The following NYNRIN variants were observed in gnomAD, a reference collection of about 807,000 sequenced individuals.
The protein encoded by NYNRIN is NYN domain and retroviral integrase containing, also known as protein NYNRIN.
In NYNRIN, 86 loss-of-function variants were observed where a neutral mutation model predicts 146.6. That is an observed-to-expected ratio of 0.59 (90% CI 0.49 to 0.70). The LOEUF (loss-of-function observed/expected upper bound fraction) is 0.70, where lower values mean the gene tolerates loss of function less well. NYNRIN is among the 30% of genes least tolerant of loss of function. NYNRIN has a pLI of 0.00. For missense variants in NYNRIN, 2,191 were observed against 2,377.7 expected, an observed-to-expected ratio of 0.92 and a Z score of 1.63; for synonymous variants, 1,027 against 1,001.3, an observed-to-expected ratio of 1.03 and a Z score of -0.48.
intron 6 of NYNRIN, 110 bp from the exon 7 acceptor site, chr14:24,412,887 G>A: frequency 1.4e-6 from 1 of 693,164 alleles, no homozygotes; most frequent in Non-Finnish European, 2.5e-6. Flanking sequence ...GAAGGGCAGT[G>A]TCTTTGTCTG....
In NYNRIN at chr14:24,399,541, C is replaced by T; in HGVS notation, c.198+97C>T. 2.8e-6 allele frequency: 3 copies of T among 1,086,398 alleles called. No individual in the cohort carries two copies. In the African/African-American group the frequency reaches 4.7e-5, roughly 17 times the overall value. The allele number at this position is 1,086,398 out of a possible 1,614,324, so 67.3% of individuals were successfully genotyped here. A position where few individuals can be genotyped will look rare whatever the true frequency, so the allele number is the denominator to read the frequency against. ...GGTGGTCCGCAGAGACACCACCCAC[C>T]CTGCCCCCGCCTGGATTTGGCAGTG... On this transcript the variant is annotated intron_variant, in intron 2 of 8. Coordinates refer to ENST00000382554, the MANE Select transcript of NYNRIN (RefSeq NM_025081.3).
At position 24,414,844 on chromosome 14, in the gene NYNRIN, C is replaced by T. The variant is rs375520766; in HGVS notation, c.3095C>T (p.Pro1032Leu). The change falls in exon 9 of 9, where the codon CCG (proline) becomes CTG (leucine). Residue 1032 changes from proline (P) to leucine (L), a missense_variant. By Grantham distance (98) the Pro-to-Leu change is moderately conservative. Coordinates refer to ENST00000382554, the MANE Select transcript of NYNRIN (RefSeq NM_025081.3). ...GCGTCAGTGTTCAGGGTGGAGTGCC[C>T]GTCCCTTTCGGAGGAGATCCTGCGG... is the stretch of plus-strand genomic sequence containing the variant. ...SLASVFRVEC[P>L]SLSEEILRCL... 21 of 1,612,440 alleles carry T rather than the reference C, an allele frequency of 1.3e-5. No homozygotes were observed. The South Asian group carries it at 1.6e-4, about 13-fold the overall frequency.
At position 24,416,548 on chromosome 14, in the gene NYNRIN, AG is replaced by A; in HGVS notation, c.4801del (p.Val1601LeufsTer27). 6.2e-7 allele frequency: 1 copy of A among 1,613,928 alleles called. No homozygotes were observed. Among genetic ancestry groups the A allele is most frequent in the Non-Finnish European group, 8.5e-7 (1 of 1,179,870 alleles). On this transcript the variant is annotated frameshift_variant, in exon 9 of 9. Coordinates refer to ENST00000382554, the MANE Select transcript of NYNRIN (RefSeq NM_025081.3). LOFTEE classifies it high-confidence loss of function. Reference protein sequence around the residue: ...IPRNLIGSELKVIESPWPLRS... With the variant: ...IPRNLIGSELXVIESPWPLRS... ...CGAAATCTCATAGGCAGCGAGTTGA[AG>A]GTTATTGAGTCCCCATGGCCCCTCA...
Position 24,419,142 on chromosome 14 carries a change from C to T in NYNRIN, c.*1696C>T, listed in dbSNP as rs1208747320. ...CCCCCGCGCCATTCTTTCTCTTCCTCCTCTCTGTAATGGTATGTCCAGCCT... is the reference window on the plus strand; with the variant it reads ...CCCCCGCGCCATTCTTTCTCTTCCTTCTCTCTGTAATGGTATGTCCAGCCT... On this transcript the variant is annotated 3_prime_UTR_variant, in exon 9 of 9. Transcript: ENST00000382554. 2 of 152,314 alleles carry T rather than the reference C, an allele frequency of 1.3e-5. No individual in the cohort carries two copies. Among genetic ancestry groups the T allele is most frequent in the African/African-American group, 4.8e-5 (2 of 41,440 alleles). 9.4% of individuals were successfully genotyped at this position (152,314 alleles called of 1,614,324 possible).
Position 24,408,958 on chromosome 14 carries a change from C to A in NYNRIN, c.1164C>A (p.Phe388Leu). 1 of 1,613,938 alleles carries A rather than the reference C, an allele frequency of 6.2e-7. No individual in the cohort carries two copies. The highest frequency in any genetic ancestry group is 8.5e-7 in the Non-Finnish European group (1 of 1,179,876). Residue 388 changes from phenylalanine to leucine, a missense_variant, in exon 4 of 9, where the codon TTC (phenylalanine) becomes TTA (leucine). Coordinates refer to ENST00000382554, the MANE Select transcript of NYNRIN (RefSeq NM_025081.3). ...HLAWLLSQAC[F>L]NFPFWQRPLG... is the part of the protein sequence containing the mutation. ...CCTGGCTCCTGTCCCAGGCGTGCTT[C>A]AATTTCCCCTTCTGGCAGAGACCTC...
intron 1 of NYNRIN, 45 bp downstream of exon 1, chr14:24,399,131 C>T: frequency 1.0e-6 from 1 of 973,842 alleles, no homozygotes; most frequent in East Asian, 2.8e-5. Context: ...GGGGGGCGCG[C>T]CGCGGGGAGG....
rs754588570 is a variant in NYNRIN at position 24,409,434 on chromosome 14, C to T, written c.1640C>T (p.Pro547Leu). Reference protein sequence around the residue: ...AQTVPETLKVPMAAAVPKAEN... With the variant: ...AQTVPETLKVLMAAAVPKAEN... ...ACAGTGCCTGAAACTCTCAAAGTGC[C>T]CATGGCTGCAGCAGTGCCCAAAGCT... is the stretch of plus-strand genomic sequence containing the variant. Residue 547 changes from proline (P) to leucine (L), a missense_variant, in exon 4 of 9, where the codon CCC (proline) becomes CTC (leucine). Physicochemically the swap from Pro to Leu is moderately conservative, Grantham distance 98. Transcript: ENST00000382554. The T allele has an allele frequency of 6.2e-7, 1 of 1,614,012 alleles. No homozygotes were observed. Among genetic ancestry groups the T allele is most frequent in the South Asian group, 1.1e-5 (1 of 91,086 alleles).
At position 24,417,383 on chromosome 14, in the gene NYNRIN, C is replaced by T; in HGVS notation, c.5634C>T (p.Ser1878=). ...TPEKLGCIYP[S]SLMKAFAKSG... ...AGAAGCTGGGGTGCATCTATCCCAG[C>T]AGTCTGATGAAGGCCTTTGCCAAGA... Residue 1878 remains serine, a synonymous_variant, in exon 9 of 9, where the codon AGC becomes AGT. Coordinates refer to ENST00000382554, the MANE Select transcript of NYNRIN (RefSeq NM_025081.3). The T allele has an allele frequency of 1.3e-6, 2 of 1,580,652 alleles. No individual in the cohort carries two copies. The highest frequency in any genetic ancestry group is 1.7e-6 in the Non-Finnish European group (2 of 1,161,652).
In NYNRIN at chr14:24,415,567, CCCT is replaced by C; in HGVS notation, c.3824_3826del (p.Leu1275del). 1 of 1,613,884 alleles carries C rather than the reference CCCT, an allele frequency of 6.2e-7. No homozygotes were observed. Among genetic ancestry groups the C allele is most frequent in the Non-Finnish European group, 8.5e-7 (1 of 1,179,848 alleles). The stretch of plus-strand genomic sequence containing the variant: ...AAAGGCAAGAGGGCCCTGGAATTGG[CCCT>C]CCTCCAGGGCCTGCTGGGGGAGAAC... On this transcript the variant is annotated inframe_deletion, in exon 9 of 9. Transcript: ENST00000382554.
chr14:24,413,119 T>C (rs942376713), intron 7 of NYNRIN, 21 bp downstream of exon 7: 14 of 1,528,952 alleles, frequency 9.2e-6, no homozygotes, highest in Non-Finnish European at 1.2e-5. Context: ...CCCCAGAGGC[T>C]TGAGCCATTC....
Position 24,399,067 on chromosome 14 carries a change from G to A in NYNRIN, c.-37G>A. 1 of 548,280 alleles carries A rather than the reference G, an allele frequency of 1.8e-6. No individual in the cohort carries two copies. Among genetic ancestry groups the A allele is most frequent in the Non-Finnish European group, 3.1e-6 (1 of 320,020 alleles). 34.0% of individuals were successfully genotyped at this position (548,280 alleles called of 1,614,324 possible). A position where few individuals can be genotyped will look rare whatever the true frequency, so the allele number is the denominator to read the frequency against. ...CGAAGGGGACCAAGCTCCAGAGGGC[G>A]GGCGCCCGAGCCGTGCGGGGTGGGT... On this transcript the variant is annotated 5_prime_UTR_variant, in exon 1 of 9. Transcript: ENST00000382554.
In NYNRIN at chr14:24,416,519, C is replaced by A; in HGVS notation, c.4770C>A (p.Ile1590=). The A allele has an allele frequency of 6.2e-7, 1 of 1,613,802 alleles. No homozygotes were observed. The stretch of plus-strand genomic sequence containing the variant: ...ACTGCAGGAGCTGCTTGTTCTGCAT[C>A]CCCCGAAATCTCATAGGCAGCGAGT... ...KDYCRSCLFC[I]PRNLIGSELK... Residue 1590 remains isoleucine (I), a synonymous_variant, in exon 9 of 9, where the codon ATC becomes ATA. Coordinates refer to ENST00000382554, the MANE Select transcript of NYNRIN (RefSeq NM_025081.3).
In NYNRIN at chr14:24,413,098, G is replaced by A. The variant is rs200022118; in HGVS notation, c.2744G>A (p.Arg915His). ...TCCAAGAAACTGATGGTCAAAGATC[G>A]GTAAGATGGTCCCCAGAGGCTTGAG... ...NSSKKLMVKD[R>H]LLPFTFAGNL... is the part of the protein sequence containing the mutation. The change falls in exon 7 of 9, where the codon CGC becomes CAC. Residue 915 changes from arginine (R) to histidine (H), a missense_variant and splice_region_variant. Physicochemically the swap from Arg to His is conservative, Grantham distance 29. Around this residue, in one of 3 missense-constraint regions of NYNRIN, gnomAD observed 1,291 missense variants for 1,417.0 expected, o/e 0.91. Transcript: ENST00000382554. 6.7e-5 allele frequency: 105 copies of A among 1,575,528 alleles called. No individual in the cohort carries two copies. The highest frequency in any genetic ancestry group is 8.4e-5 in the Non-Finnish European group (97 of 1,157,352).
Position 24,409,390 on chromosome 14 carries a change from G to A in NYNRIN, c.1596G>A (p.Gln532=). 1 of 1,614,036 alleles carries A rather than the reference G, an allele frequency of 6.2e-7. No homozygotes were observed. The highest frequency in any genetic ancestry group is 8.5e-7 in the Non-Finnish European group (1 of 1,179,900). Reference sequence around the variant, plus strand: ...TGGCTCAAGGGGGGCTGACAGATCAGTCAGTACCTGGAGCTCAAACAGTGC... The same window carrying A: ...TGGCTCAAGGGGGGCTGACAGATCAATCAGTACCTGGAGCTCAAACAGTGC... The part of the protein sequence containing the change: ...KPVAQGGLTD[Q]SVPGAQTVPE... Residue 532 remains glutamine (Q), a synonymous_variant, in exon 4 of 9, where the codon CAG becomes CAA. Transcript: ENST00000382554.
intron 2 of NYNRIN, 143 bp downstream of exon 2, chr14:24,399,587 A>ATCC (rs1170893877): frequency 2.8e-6 from 2 of 709,978 alleles, no homozygotes; most frequent in African/African-American, 1.8e-5. Flanking sequence ...GTAGTGGGCC[A>ATCC]TCCTCCTGCC....
At position 24,417,043 on chromosome 14, in the gene NYNRIN, A is replaced by C; in HGVS notation, c.5294A>C (p.Glu1765Ala). ...CCGTTCAAGGTCCTGACCGGGGGTG[A>C]GTCAAGGCTCACGGAGCCCCTGTGG... ...ATPFKVLTGG[E>A]SRLTEPLWWE... is the part of the protein sequence containing the mutation. Residue 1765 changes from glutamate to alanine, a missense_variant, in exon 9 of 9, where the codon GAG becomes GCG. By Grantham distance (107) the Glu-to-Ala change is moderately radical. Coordinates refer to ENST00000382554, the MANE Select transcript of NYNRIN (RefSeq NM_025081.3). 6.2e-7 allele frequency: 1 copy of C among 1,611,056 alleles called. No homozygotes were observed. Among genetic ancestry groups the C allele is most frequent in the South Asian group, 1.1e-5 (1 of 90,726 alleles).
chr14:24,418,253 C>T lies in NYNRIN; in HGVS notation c.*807C>T, dbSNP rs529208942. ...GATCTTGATGCCAAGTGTGGCATCT[C>T]TATCTGAAGAGCTGCTTCTGTTAGA... On this transcript the variant is annotated 3_prime_UTR_variant, in exon 9 of 9. Transcript: ENST00000382554. 1 of 456,586 alleles carries T rather than the reference C, an allele frequency of 2.2e-6. No individual in the cohort carries two copies. The highest frequency in any genetic ancestry group is 2.3e-5 in the Admixed American group (1 of 42,564). The allele number at this position is 456,586 out of a possible 1,614,324, so 28.3% of individuals were successfully genotyped here.
chr14:24,406,463 G>A (rs2042876307), intron 2 of NYNRIN, among the ~76,000 whole-genome samples: 1 of 152,174 alleles, frequency 6.6e-6, no homozygotes, highest in Non-Finnish European at 1.5e-5. Flanking sequence ...GGGACCAGAT[G>A]AGGTTGGGGT....
rs376323843 is a variant in NYNRIN at position 24,417,055 on chromosome 14, C to T, written c.5306C>T (p.Thr1769Met). 164 of 1,611,788 alleles carry T rather than the reference C, an allele frequency of 1.0e-4. No homozygotes were observed. The highest frequency in any genetic ancestry group is 1.3e-4 in the Non-Finnish European group (159 of 1,178,556). The change falls in exon 9 of 9, where the codon ACG becomes ATG. Residue 1769 changes from threonine to methionine, a missense_variant. Coordinates refer to ENST00000382554, the MANE Select transcript of NYNRIN (RefSeq NM_025081.3). ...CTGACCGGGGGTGAGTCAAGGCTCACGGAGCCCCTGTGGTGGGAGATGAGC... is the reference window on the plus strand; with the variant it reads ...CTGACCGGGGGTGAGTCAAGGCTCATGGAGCCCCTGTGGTGGGAGATGAGC... The part of the protein sequence containing the change: ...KVLTGGESRL[T>M]EPLWWEMSSA...
Sources: allele counts gnomAD v4.1 joint callset (sites outside exome capture counted in the v4.1 genomes callset), GRCh38; gene constraint gnomAD v4.1.1; regional missense constraint gnomAD v4.1.1; transcripts MANE v1.5; gene names NCBI Gene and HGNC (gene_info 2026-07-23, HGNC 2026-07-21).